The following ZNF133 variants were observed in gnomAD, a reference collection of about 807,000 sequenced individuals.
ZNF133 encodes the protein zinc finger protein 133 (clone pHZ-13).
Under a neutral mutation model 54.9 loss-of-function variants are expected in ZNF133, and 26 were observed. That is an observed-to-expected ratio of 0.47 (90% CI 0.35 to 0.66). The LOEUF is 0.66. Ranked by LOEUF, ZNF133 falls within the 30% of genes least tolerant of loss-of-function variation. The pLI is 0.01. For synonymous variants in ZNF133, 298 were observed against 320.3 expected, an observed-to-expected ratio of 0.93 and a Z score of 0.74; for missense variants, 653 against 820.8, an observed-to-expected ratio of 0.80 and a Z score of 2.50.
intron 1 of ZNF133, among the ~76,000 whole-genome samples, chr20:18,291,280 C>T (rs960395325): frequency 5.3e-5 from 8 of 152,058 alleles, no homozygotes; most frequent in South Asian, 2.1e-4. Context: ...TGTTATGTTT[C>T]GAATATTTTA....
rs2044457540 is a variant in ZNF133, at chr20:18,305,895, C to T, written c.121+88C>T. ...GCAGCCATCTTGCTTTGTTACTTGACCTTTGGGTTGGACCAAAAAGCAACT... is the reference window on the plus strand; with the variant it reads ...GCAGCCATCTTGCTTTGTTACTTGATCTTTGGGTTGGACCAAAAAGCAACT... On this transcript the variant is annotated intron_variant, in intron 5 of 6. Coordinates refer to ENST00000425686, the MANE Select transcript of ZNF133 (RefSeq NM_001352452.2). This position sits in a 1 kb window ranked among gnomAD's most constrained non-coding sequence, Gnocchi z 4.7. The T allele has an allele frequency of 2.6e-6, 4 of 1,510,956 alleles. No individual in the cohort carries two copies. 93.6% of individuals were successfully genotyped at this position (1,510,956 alleles called of 1,614,324 possible).
chr20:18,302,174 G>A (rs1194991154), intron 3 of ZNF133, among the ~76,000 whole-genome samples: 1 of 152,134 alleles, frequency 6.6e-6, no homozygotes, highest in Non-Finnish European at 1.5e-5. Context: ...GCCGAGGTTG[G>A]TGGATCACCT....
intron 2 of ZNF133, 74 bp downstream of exon 2, chr20:18,298,136 T>C: frequency 2.0e-6 from 3 of 1,533,876 alleles, no homozygotes; most frequent in Non-Finnish European, 2.6e-6. Flanking sequence ...GACTGCCTTA[T>C]TGGTGCCTAG....
At position 18,292,800 on chromosome 20, in the gene ZNF133, C is replaced by A. The variant is rs191142940; in HGVS notation, c.-432+4196C>A. The stretch of plus-strand genomic sequence containing the variant: ...AATAGTGCCTATCACACAGTAGGAG[C>A]ATAATAAATACTTGCCAAATGAAGG... On this transcript the variant is annotated intron_variant, in intron 1 of 6. Coordinates refer to ENST00000425686, the MANE Select transcript of ZNF133 (RefSeq NM_001352452.2). 1.3e-3 allele frequency among the ~76,000 whole-genome samples: 195 copies of A among 152,318 alleles called. No homozygotes were observed. In the South Asian group the frequency reaches 0.015, roughly 11 times the overall value.
intron 6 of ZNF133, among the ~76,000 whole-genome samples, chr20:18,310,661 TA>T (rs1368487161): frequency 1.3e-5 from 2 of 152,268 alleles, no homozygotes; most frequent in African/African-American, 4.8e-5. Context: ...GATTTTCACA[TA>T]GAAAGAATAA....
intron 6 of ZNF133, chr20:18,312,854 T>A (rs563091034): frequency 1.3e-5 from 2 of 152,154 alleles, no homozygotes; most frequent in Non-Finnish European, 1.5e-5. Flanking sequence ...AAATTATAGG[T>A]GCACACCACC....
At chr20:18,303,560 A>G (rs918017324) in intron 3 of ZNF133, among the ~76,000 whole-genome samples, 7 of 152,212 alleles carry the variant, frequency 4.6e-5, no homozygotes, top group African/African-American at 1.7e-4. Flanking sequence ...ACAAAGCAAC[A>G]GTAACCCAAA....
chr20:18,314,007 AAC>A (rs758154857), intron 6 of ZNF133: 4 of 152,256 alleles, frequency 2.6e-5, no homozygotes, highest in Non-Finnish European at 5.9e-5. Flanking sequence ...CAGGCAGTGA[AAC>A]ACAGAAGGGA....
At chr20:18,304,574 G>C (rs1193360259) in intron 3 of ZNF133, among the ~76,000 whole-genome samples, 1 of 152,186 alleles carries the variant, frequency 6.6e-6, no homozygotes, top group African/African-American at 2.4e-5. Context: ...TAAATTCTGA[G>C]TGCATGCTTC....
chr20:18,293,204 G>A (rs1007847375), intron 1 of ZNF133, among the ~76,000 whole-genome samples: 2 of 152,226 alleles, frequency 1.3e-5, no homozygotes, highest in African/African-American at 4.8e-5. Context: ...AGTTCTTTGG[G>A]TTTACCCAAA....
Position 18,315,505 on chromosome 20 carries a change from G to A in ZNF133, c.654G>A (p.Glu218=), listed in dbSNP as rs2147947869. ...VLGFGTVNCG[E]CGLSFSKMTN... is the part of the protein sequence containing the mutation. ...GATTTGGAACAGTCAACTGTGGAGA[G>A]TGTGGACTGAGCTTCAGCAAGATGA... Residue 218 remains glutamate, a synonymous_variant, in exon 7 of 7, where the codon GAG becomes GAA. Transcript: ENST00000425686. 8 of 1,614,212 alleles carry A rather than the reference G, an allele frequency of 5.0e-6. No homozygotes were observed. Among genetic ancestry groups the A allele is most frequent in the Non-Finnish European group, 6.8e-6 (8 of 1,180,044 alleles).
In ZNF133 at chr20:18,315,073, T is replaced by G; in HGVS notation, c.222T>G (p.Asp74Glu). Residue 74 changes from aspartate (D) to glutamate (E), a missense_variant, in exon 7 of 7, where the codon GAT becomes GAG. By Grantham distance (45) the Asp-to-Glu change is conservative (BLOSUM62 2). Around this residue, in one of 4 missense-constraint regions of ZNF133, gnomAD observed 227 missense variants for 233.9 expected, o/e 0.97. Transcript: ENST00000425686. The stretch of plus-strand genomic sequence containing the variant: ...CTCACACTTTTCTCTCTGCAGCAGA[T>G]CCAGAGCCAGAGCTCTACCTCGATC... ...KKCSPATCPADPEPELYLDPF... is the reference protein window; with the variant it reads ...KKCSPATCPAEPEPELYLDPF... 1 of 1,526,322 alleles carries G rather than the reference T, an allele frequency of 6.6e-7. No homozygotes were observed. The highest frequency in any genetic ancestry group is 8.8e-7 in the Non-Finnish European group (1 of 1,138,314). The allele number at this position is 1,526,322 out of a possible 1,614,324, so 94.5% of individuals were successfully genotyped here. A position where few individuals can be genotyped will look rare whatever the true frequency, so the allele number is the denominator to read the frequency against.
At chr20:18,295,107 A>T (rs1306864204) in intron 1 of ZNF133, 1 of 152,200 alleles carries the variant, frequency 6.6e-6, no homozygotes, top group Non-Finnish European at 1.5e-5. Flanking sequence ...AGAGTTATTC[A>T]CTTCATCTAG....
At chr20:18,303,235 C>T (rs1442446052) in intron 3 of ZNF133, among the ~76,000 whole-genome samples, 1 of 151,818 alleles carries the variant, frequency 6.6e-6, no homozygotes, top group African/African-American at 2.4e-5. Flanking sequence ...TTAATAGAAA[C>T]GGGGTTTCGC....
chr20:18,311,239 C>T (rs68083607), intron 6 of ZNF133, among the ~76,000 whole-genome samples: 52,215 of 151,914 alleles, frequency 0.34, 10,741 homozygotes, highest in African/African-American at 0.57. Context: ...GAGGATTGCT[C>T]GAGCCCAGGA....
intron 1 of ZNF133, among the ~76,000 whole-genome samples, chr20:18,289,471 C>T (rs559211476): frequency 1.4e-4 from 21 of 152,298 alleles, no homozygotes; most frequent in African/African-American, 5.1e-4. Flanking sequence ...CTTGATTCAT[C>T]TCAGAATGGA....
intron 6 of ZNF133, 137 bp from the exon 7 acceptor site, chr20:18,314,932 A>G (rs754029459): frequency 9.2e-6 from 7 of 762,718 alleles, no homozygotes; most frequent in Non-Finnish European, 1.2e-5. Flanking sequence ...TAGGCTGGAG[A>G]GTAGGCCATG....
intron 3 of ZNF133, among the ~76,000 whole-genome samples, chr20:18,302,404 C>CAAAAAAAAAAAAAAAAATAAAA (rs2043569524): frequency 8.7e-6 from 1 of 114,590 alleles, no homozygotes. Context: ...AACTCTGTCT[C>CAAAAAAAAAAAAAAAAATAAAA]AAAAAAAAAA....
At chr20:18,299,757 C>T (rs1431944114) in intron 3 of ZNF133, among the ~76,000 whole-genome samples, 12 of 152,122 alleles carry the variant, frequency 7.9e-5, no homozygotes, top group African/African-American at 2.9e-4. Flanking sequence ...TTACGAAAAA[C>T]CTCTCGGGCC....
Sources: allele counts gnomAD v4.1 joint callset (sites outside exome capture counted in the v4.1 genomes callset), GRCh38; gene constraint gnomAD v4.1.1; regional missense constraint gnomAD v4.1.1; non-coding constraint Gnocchi (gnomAD v3.1); transcripts MANE v1.5; gene names NCBI Gene and HGNC (gene_info 2026-07-23, HGNC 2026-07-21).